SORT1: variants seen among roughly 807,000 people sequenced by gnomAD.
SORT1 encodes sortilin.
In SORT1, 39 loss-of-function variants were observed where a neutral mutation model predicts 101.7. The observed-to-expected ratio is 0.38, with a 90% CI of 0.30 to 0.50. SORT1 has a LOEUF of 0.50. SORT1 is among the 20% of genes least tolerant of loss of function. SORT1 has a pLI of 0.90. For synonymous variants in SORT1, 396 were observed against 393.7 expected, an observed-to-expected ratio of 1.01 and a Z score of -0.07; for missense variants, 878 against 1,040.4, an observed-to-expected ratio of 0.84 and a Z score of 2.15.
chr1:109,393,036 TC>T (rs1250715983), intron 1 of SORT1: 5 of 985,262 alleles, frequency 5.1e-6, no homozygotes, highest in Non-Finnish European at 6.0e-6. Flanking sequence ...CCTTCAGACT[TC>T]CGGGTGTTAC....
At chr1:109,317,997 T>A (rs757656184) in intron 15 of SORT1, 28 bp from the exon 16 acceptor site, 36 of 1,441,344 alleles carry the variant, frequency 2.5e-5, no homozygotes, top group Non-Finnish European at 3.5e-5. Context: ...TAAAGTACCT[T>A]TCAAAGCAGC....
intron 11 of SORT1, among the ~76,000 whole-genome samples, chr1:109,332,938 C>CT (rs1173501608): frequency 1.3e-5 from 2 of 151,906 alleles, no homozygotes; most frequent in Non-Finnish European, 2.9e-5. Context: ...ACCCTTCTTT[C>CT]TTTTTTTTGA....
At chr1:109,358,647 A>G (rs1247459683) in intron 3 of SORT1, among the ~76,000 whole-genome samples, 1 of 152,184 alleles carries the variant, frequency 6.6e-6, no homozygotes, top group East Asian at 1.9e-4. Context: ...CAAGGTCAGG[A>G]GTTCAAGACC....
rs1041112075 is a variant in SORT1, at chr1:109,310,210, A to G, written c.*3833T>C. 6.5e-6 allele frequency: 1 copy of G among 152,698 alleles called. No homozygotes were observed. Among genetic ancestry groups the G allele is most frequent in the African/African-American group, 2.4e-5 (1 of 41,468 alleles). The allele number at this position is 152,698 out of a possible 1,614,324, so 9.5% of individuals were successfully genotyped here. A position where few individuals can be genotyped will look rare whatever the true frequency, so the allele number is the denominator to read the frequency against. The stretch of plus-strand genomic sequence containing the variant: ...ATAAAGGTACAGATTAGTTTATGTT[A>G]TTCCTTATAAACAAGTACACTTAAG... On this transcript the variant is annotated 3_prime_UTR_variant, in exon 20 of 20. Coordinates refer to ENST00000256637, the MANE Select transcript of SORT1 (RefSeq NM_002959.7).
intron 1 of SORT1, among the ~76,000 whole-genome samples, chr1:109,395,309 C>T (rs12711448): frequency 0.65 from 95,968 of 147,962 alleles, 32,899 homozygotes; most frequent in East Asian, 0.96. Context: ...CAACCTCTGC[C>T]TCCTGGGTTC....
At chr1:109,338,079 C>T (rs1013905310) in intron 10 of SORT1, among the ~76,000 whole-genome samples, 3 of 151,976 alleles carry the variant, frequency 2.0e-5, no homozygotes, top group Non-Finnish European at 2.9e-5. Flanking sequence ...AAAATACTTG[C>T]GCAGCTAAAG....
At position 109,323,068 on chromosome 1, in the gene SORT1, A is replaced by T. The variant is rs759515662; in HGVS notation, c.1888T>A (p.Tyr630Asn). Residue 630 changes from tyrosine (Y) to asparagine (N), a missense_variant, in exon 15 of 20, where the codon TAT becomes AAT. This residue lies in a region of SORT1 where 684 missense variants were observed against 894.5 expected (regional missense o/e 0.76). Transcript: ENST00000256637. ...TAGCCCAAAATGCAGCCATCTTCAT[A>T]ATCTTCAGGGTCTGTGGAGTGTGCC... ...WLAHSTDPEDYEDGCILGYKE... is the reference protein window; with the variant it reads ...WLAHSTDPEDNEDGCILGYKE... 4 of 1,614,150 alleles carry T rather than the reference A, an allele frequency of 2.5e-6. No individual in the cohort carries two copies. Among genetic ancestry groups the T allele is most frequent in the Non-Finnish European group, 3.4e-6 (4 of 1,179,996 alleles).
intron 14 of SORT1, among the ~76,000 whole-genome samples, chr1:109,323,461 C>T (rs978789536): frequency 2.0e-5 from 3 of 152,190 alleles, no homozygotes; most frequent in Non-Finnish European, 4.4e-5. Context: ...CGCCCTCAGT[C>T]AGTAGGAGCT....
intron 3 of SORT1, among the ~76,000 whole-genome samples, chr1:109,365,028 A>T (rs1034355164): frequency 7.2e-5 from 11 of 152,188 alleles, no homozygotes; most frequent in African/African-American, 2.7e-4. Context: ...GCTATTCCAC[A>T]TTGCCTCCCA....
rs146391412 is a variant in SORT1, at chr1:109,314,804, A to G, written c.2251-26T>C. The G allele has an allele frequency of 1.2e-4, 165 of 1,384,162 alleles. 1 individual carries two copies. The highest frequency in any genetic ancestry group is 8.1e-4 in the Admixed American group (48 of 59,010). The allele number at this position is 1,384,162 out of a possible 1,614,324, so 85.7% of individuals were successfully genotyped here. A position where few individuals can be genotyped will look rare whatever the true frequency, so the allele number is the denominator to read the frequency against. Reference sequence around the variant, plus strand: ...CTTGAGAAATTAAAACACAAACACAAAAGTTTTAGGCATGCATATCCTAGG... The same window carrying G: ...CTTGAGAAATTAAAACACAAACACAGAAGTTTTAGGCATGCATATCCTAGG... On this transcript the variant is annotated intron_variant, in intron 17 of 19. Transcript: ENST00000256637.
intron 1 of SORT1, among the ~76,000 whole-genome samples, chr1:109,393,697 G>A (rs1432211954): frequency 6.6e-6 from 1 of 152,168 alleles, no homozygotes; most frequent in African/African-American, 2.4e-5. Context: ...TCTAAGAAGA[G>A]AGCATTTATA....
intron 11 of SORT1, among the ~76,000 whole-genome samples, chr1:109,329,050 A>C (rs747579304): frequency 2.0e-5 from 3 of 152,036 alleles, no homozygotes; most frequent in Non-Finnish European, 4.4e-5. Flanking sequence ...GCTACCCCCA[A>C]AGACCAAGGC....
At chr1:109,317,687 C>T (rs1331622605) in intron 16 of SORT1, among the ~76,000 whole-genome samples, 166 bp downstream of exon 16, 1 of 152,194 alleles carries the variant, frequency 6.6e-6, no homozygotes, top group Admixed American at 6.5e-5. Context: ...CATGGCTCAC[C>T]TCCTGTAGTT....
At chr1:109,327,292 C>T (rs1364446175) in intron 12 of SORT1, 132 bp from the exon 13 acceptor site, 1 of 904,364 alleles carries the variant, frequency 1.1e-6, no homozygotes, top group East Asian at 2.6e-5. Context: ...GGAAAGAAAA[C>T]CACCAAAAAC....
chr1:109,343,988 C>T (rs138258957), intron 8 of SORT1, among the ~76,000 whole-genome samples: 2 of 152,320 alleles, frequency 1.3e-5, no homozygotes, highest in East Asian at 3.9e-4. Flanking sequence ...CAACCTGCTC[C>T]TCCTGCAGTC....
Position 109,323,099 on chromosome 1 carries a change from T to C in SORT1, c.1857A>G (p.Ile619Met). Residue 619 changes from isoleucine to methionine, a missense_variant, in exon 15 of 20, where the codon ATA becomes ATG. By Grantham distance (10) the Ile-to-Met change is conservative. Around this residue, in one of 2 missense-constraint regions of SORT1, gnomAD observed 684 missense variants for 894.5 expected, o/e 0.76. Transcript: ENST00000256637. Reference sequence around the variant, plus strand: ...CAGGGTCTGTGGAGTGTGCCAGCCATATGGTATAGTCCTTCTCTTCACCTA... The same window carrying C: ...CAGGGTCTGTGGAGTGTGCCAGCCACATGGTATAGTCCTTCTCTTCACCTA... ...ERNCEEKDYT[I>M]WLAHSTDPED... 2 of 1,613,912 alleles carry C rather than the reference T, an allele frequency of 1.2e-6. No individual in the cohort carries two copies. The highest frequency in any genetic ancestry group is 1.7e-6 in the Non-Finnish European group (2 of 1,179,818).
chr1:109,331,683 A>G (rs564507071), intron 11 of SORT1, among the ~76,000 whole-genome samples: 68 of 152,262 alleles, frequency 4.5e-4, no homozygotes. Context: ...AGCTGGAGCA[A>G]TTAAGTAAGA....
In SORT1 at chr1:109,378,607, CCGAAGAA is replaced by C. The variant is rs1386252330; in HGVS notation, c.307-9025_307-9019del. Among the ~76,000 whole-genome samples the C allele has an allele frequency of 4.0e-5, 6 of 149,394 alleles. No homozygotes were observed. The East Asian group carries it at 1.2e-3, about 30-fold the overall frequency. ...ACCCAAAACCTCTGACACAGTATTACCGAAGAATGTTCTATAATATCAAAATAATGAA... is the reference window on the plus strand; with the variant it reads ...ACCCAAAACCTCTGACACAGTATTACTGTTCTATAATATCAAAATAATGAA... On this transcript the variant is annotated intron_variant, in intron 1 of 19. Transcript: ENST00000256637.
intron 8 of SORT1, among the ~76,000 whole-genome samples, chr1:109,342,716 G>C (rs1233829669): frequency 6.6e-6 from 1 of 152,164 alleles, no homozygotes; most frequent in Non-Finnish European, 1.5e-5. Context: ...GAAGGGAACA[G>C]GCATGGGCTG....
Sources: gnomAD v4.1 joint callset for allele counts (sites outside exome capture counted in the v4.1 genomes callset) on GRCh38, gnomAD v4.1.1 for gene constraint, gnomAD v4.1.1 regional missense constraint, MANE v1.5 for transcripts, NCBI Gene and HGNC (gene_info 2026-07-23, HGNC 2026-07-21) for gene names.